ZCCHC4: variants seen among roughly 807,000 people sequenced by gnomAD.
The protein encoded by ZCCHC4 is rRNA N(6)-adenosine-methyltransferase ZCCHC4.
A neutral mutation model predicts 67.7 loss-of-function variants in ZCCHC4; 54 were observed. That is an observed-to-expected ratio of 0.80 (90% CI 0.64 to 1.00). The LOEUF is 1.00. Among genes scored for constraint, ZCCHC4 ranks in the 50% least tolerant of loss-of-function variants. The pLI, the probability that ZCCHC4 is intolerant of heterozygous loss-of-function variation, is 0.00. For synonymous variants in ZCCHC4, 198 were observed against 213.5 expected (o/e 0.93, Z 0.63); for missense variants, 609 against 617.0 (o/e 0.99, Z 0.14).
chr4:25,364,401 G>A, intron 10 of ZCCHC4, 53 bp from the exon 11 acceptor site: 1 of 1,308,790 alleles, frequency 7.6e-7, no homozygotes, highest in South Asian at 1.6e-5. Context: ...TGTAGAACTT[G>A]ATTTTTAATA....
In ZCCHC4 at chr4:25,342,268, GA is replaced by G. The variant is rs200162155; in HGVS notation, c.687-3272del. ...TCTCATAAAGACCACAGTTAAATCA[GA>G]AAAAAAATTCTGCATAGTATAGAGT... On this transcript the variant is annotated intron_variant, in intron 5 of 12. Transcript: ENST00000302874. Among the ~76,000 whole-genome samples the G allele has an allele frequency of 6.8e-3, 1,035 of 152,032 alleles. 10 individuals are homozygous for G. Among genetic ancestry groups the G allele is most frequent in the African/African-American group, 0.023 (971 of 41,460 alleles).
At chr4:25,364,955 T>C (rs1255936172) in intron 11 of ZCCHC4, 67 bp from the exon 12 acceptor site, 2 of 1,599,538 alleles carry the variant, frequency 1.3e-6, no homozygotes, top group East Asian at 2.2e-5. Flanking sequence ...TATCCTACCT[T>C]AAAAGTTAAT....
chr4:25,363,969 T>A (rs1001247149), intron 10 of ZCCHC4, among the ~76,000 whole-genome samples: 2 of 152,244 alleles, frequency 1.3e-5, no homozygotes, highest in Admixed American at 1.3e-4. Flanking sequence ...TTTACAATAC[T>A]CATTAAATTG....
chr4:25,362,399 A>T, intron 10 of ZCCHC4, 98 bp downstream of exon 10: 1 of 715,068 alleles, frequency 1.4e-6, no homozygotes, highest in Non-Finnish European at 2.1e-6. Context: ...TGTTAATAGG[A>T]TTTGTATTAA....
intron 5 of ZCCHC4, among the ~76,000 whole-genome samples, chr4:25,342,465 A>G (rs1560408794): frequency 6.6e-6 from 1 of 152,204 alleles, no homozygotes; most frequent in South Asian, 2.1e-4. Flanking sequence ...ATGGATTTCT[A>G]TATGCTTAAT....
chr4:25,320,349 A>ATATT (rs1194890075), intron 3 of ZCCHC4, among the ~76,000 whole-genome samples: 3 of 152,086 alleles, frequency 2.0e-5, no homozygotes, highest in Non-Finnish European at 2.9e-5. Flanking sequence ...TGTTTCGTTG[A>ATATT]TATTTCATTT....
intron 5 of ZCCHC4, among the ~76,000 whole-genome samples, chr4:25,344,649 C>T: frequency 6.6e-6 from 1 of 151,794 alleles, no homozygotes; most frequent in East Asian, 1.9e-4. Flanking sequence ...AAATAAAACA[C>T]TGTGTTAGCA....
intron 2 of ZCCHC4, 140 bp from the exon 3 acceptor site, chr4:25,315,178 C>A: frequency 1.5e-6 from 1 of 651,936 alleles, no homozygotes; most frequent in Non-Finnish European, 2.5e-6. Flanking sequence ...TCCCAGTTTT[C>A]GCTGTTTTGT....
At chr4:25,356,132 T>G (rs536686142) in intron 8 of ZCCHC4, among the ~76,000 whole-genome samples, 2 of 152,354 alleles carry the variant, frequency 1.3e-5, no homozygotes, top group South Asian at 4.1e-4. Flanking sequence ...GCAGAGATTT[T>G]GTGCTTTCCC....
intron 3 of ZCCHC4, among the ~76,000 whole-genome samples, chr4:25,316,245 G>C (rs538606561): frequency 6.6e-6 from 1 of 152,178 alleles, no homozygotes; most frequent in Non-Finnish European, 1.5e-5. Flanking sequence ...CACTTGGGCT[G>C]TGTCTACTTT....
At chr4:25,355,692 T>C (rs1720489334) in intron 8 of ZCCHC4, among the ~76,000 whole-genome samples, 2 of 152,206 alleles carry the variant, frequency 1.3e-5, no homozygotes, top group South Asian at 4.1e-4. Context: ...GGCAGCAATT[T>C]CTGGAAAATT....
At chr4:25,328,741 C>T (rs1222682751) in intron 3 of ZCCHC4, among the ~76,000 whole-genome samples, 1 of 151,892 alleles carries the variant, frequency 6.6e-6, no homozygotes, top group East Asian at 2.0e-4. Flanking sequence ...GCCACCACAC[C>T]TGGGTAATTT....
intron 6 of ZCCHC4, among the ~76,000 whole-genome samples, chr4:25,348,336 T>C (rs1009952162): frequency 2.0e-5 from 3 of 152,322 alleles, no homozygotes; most frequent in African/African-American, 7.2e-5. Flanking sequence ...AAAATACATA[T>C]AGGCTTGTTA....
intron 5 of ZCCHC4, among the ~76,000 whole-genome samples, chr4:25,341,011 A>T (rs974374618): frequency 6.6e-6 from 1 of 151,870 alleles, no homozygotes; most frequent in Non-Finnish European, 1.5e-5. Context: ...TCTCTTCCTT[A>T]TGATTTTTTT....
At chr4:25,329,373 C>T (rs906734818) in intron 3 of ZCCHC4, among the ~76,000 whole-genome samples, 6 of 151,872 alleles carry the variant, frequency 4.0e-5, no homozygotes, top group African/African-American at 1.5e-4. Flanking sequence ...TATTTAGGCC[C>T]CTCAGTTTTT....
intron 3 of ZCCHC4, among the ~76,000 whole-genome samples, chr4:25,331,851 G>A (rs990238381): frequency 9.2e-5 from 14 of 152,254 alleles, no homozygotes; most frequent in Admixed American, 7.2e-4. Flanking sequence ...TTACCGGCAC[G>A]ATAGCTTATT....
intron 8 of ZCCHC4, chr4:25,351,960 C>T: frequency 9.1e-7 from 1 of 1,095,020 alleles, no homozygotes; most frequent in East Asian, 5.8e-5. Context: ...CCTTGGGTGA[C>T]TCCAAGTGTG....
chr4:25,316,329 T>C (rs1044241611), intron 3 of ZCCHC4, among the ~76,000 whole-genome samples: 16 of 152,246 alleles, frequency 1.1e-4, no homozygotes, highest in Admixed American at 6.5e-5. Flanking sequence ...TTCAATTCTT[T>C]TGGGTATATA....
At chr4:25,323,990 C>A (rs964578002) in intron 3 of ZCCHC4, among the ~76,000 whole-genome samples, 1 of 117,812 alleles carries the variant, frequency 8.5e-6, no homozygotes, top group African/African-American at 3.2e-5. Flanking sequence ...TAAAGGTAAT[C>A]GTACAGTATG....
Sources: gnomAD v4.1 joint callset for allele counts (sites outside exome capture counted in the v4.1 genomes callset) on GRCh38, gnomAD v4.1.1 for gene constraint, MANE v1.5 for transcripts, NCBI Gene and HGNC (gene_info 2026-07-23, HGNC 2026-07-21) for gene names.